ADCY8: variants seen among roughly 807,000 people sequenced by gnomAD.
ADCY8 encodes adenylate cyclase type 8.
ADCY8 carries 51 observed loss-of-function variants against 119.7 expected under a neutral mutation model. That is an observed-to-expected ratio of 0.43 (90% CI 0.34 to 0.54). The LOEUF (loss-of-function observed/expected upper bound fraction) is 0.54. Among genes scored for constraint, ADCY8 ranks in the 20% least tolerant of loss-of-function variants. The pLI, the probability that ADCY8 is intolerant of heterozygous loss-of-function variation, is 0.03. For missense variants in ADCY8, 1,383 were observed against 1,598.8 expected (o/e 0.87, Z 2.30); for synonymous variants, 665 against 651.0 (o/e 1.02, Z -0.33).
chr8:131,033,121 A>T (rs1424930809), intron 1 of ADCY8, among the ~76,000 whole-genome samples: 1 of 152,160 alleles, frequency 6.6e-6, no homozygotes, highest in African/African-American at 2.4e-5. Context: ...TCAATATTGT[A>T]CCTATTTGGT....
At chr8:130,971,248 G>C (rs950179879) in intron 2 of ADCY8, among the ~76,000 whole-genome samples, 1 of 152,106 alleles carries the variant, frequency 6.6e-6, no homozygotes, top group Admixed American at 6.5e-5. Flanking sequence ...ACCTGTATTT[G>C]GTACTCTTGC....
chr8:130,827,040 T>G (rs1039517280), intron 12 of ADCY8, among the ~76,000 whole-genome samples: 1 of 152,190 alleles, frequency 6.6e-6, no homozygotes, highest in Non-Finnish European at 1.5e-5. Flanking sequence ...ATTGTGCACA[T>G]GTACCCCAGA....
At chr8:131,000,824 A>G (rs968604558) in intron 1 of ADCY8, among the ~76,000 whole-genome samples, 2 of 152,000 alleles carry the variant, frequency 1.3e-5, no homozygotes, top group Non-Finnish European at 2.9e-5. Context: ...TGGTAAAGGG[A>G]AAAGAGACAA....
chr8:131,016,377 G>A (rs971478913), intron 1 of ADCY8, among the ~76,000 whole-genome samples: 1 of 152,136 alleles, frequency 6.6e-6, no homozygotes, highest in Non-Finnish European at 1.5e-5. Context: ...GGTAGCACAC[G>A]ACCATAGTCC....
At chr8:130,994,351 A>G (rs549249045) in intron 1 of ADCY8, among the ~76,000 whole-genome samples, 1 of 152,318 alleles carries the variant, frequency 6.6e-6, no homozygotes, top group East Asian at 1.9e-4. Context: ...TTTGTAAAGC[A>G]CCAGTGATTT....
At chr8:130,977,273 G>A (rs775588997) in intron 2 of ADCY8, among the ~76,000 whole-genome samples, 4 of 152,154 alleles carry the variant, frequency 2.6e-5, no homozygotes, top group Non-Finnish European at 4.4e-5. Flanking sequence ...GAAGAACAAT[G>A]ATCAATCCAA....
chr8:130,978,576 TA>T (rs1822142831), intron 2 of ADCY8, among the ~76,000 whole-genome samples: 1 of 152,194 alleles, frequency 6.6e-6, no homozygotes, highest in Admixed American at 6.5e-5. Context: ...ATAGATATTA[TA>T]GGGGGAAAAT....
intron 8 of ADCY8, among the ~76,000 whole-genome samples, chr8:130,876,701 TTG>T (rs1204971900): frequency 6.7e-6 from 1 of 149,238 alleles, no homozygotes; most frequent in Non-Finnish European, 1.5e-5. Flanking sequence ...GTGTGGATAT[TTG>T]TGTGTGTGTA....
At chr8:130,857,649 C>T (rs1385325092) in intron 9 of ADCY8, among the ~76,000 whole-genome samples, 2 of 152,138 alleles carry the variant, frequency 1.3e-5, no homozygotes, top group Non-Finnish European at 2.9e-5. Context: ...GGTGTGCGCC[C>T]CCACCAGGAG....
chr8:131,006,017 T>TTCTC (rs144960309), intron 1 of ADCY8, among the ~76,000 whole-genome samples: 4 of 150,808 alleles, frequency 2.7e-5, no homozygotes, highest in Non-Finnish European at 5.9e-5. Context: ...CCACTCCAAA[T>TTCTC]TCTCTCTCTC....
At chr8:130,811,771 A>G (rs976813945) in intron 14 of ADCY8, among the ~76,000 whole-genome samples, 2 of 152,150 alleles carry the variant, frequency 1.3e-5, no homozygotes, top group Non-Finnish European at 2.9e-5. Flanking sequence ...TGTTAGGAGG[A>G]TGAGATGGCC....
intron 12 of ADCY8, among the ~76,000 whole-genome samples, chr8:130,834,789 GC>G (rs1816935768): frequency 6.6e-6 from 1 of 152,000 alleles, no homozygotes; most frequent in Non-Finnish European, 1.5e-5. Flanking sequence ...TACAGACCTA[GC>G]TATATGTATA....
chr8:130,877,690 T>C (rs573452857), intron 8 of ADCY8, among the ~76,000 whole-genome samples: 1 of 152,338 alleles, frequency 6.6e-6, no homozygotes, highest in Non-Finnish European at 1.5e-5. Flanking sequence ...GAAACAATCC[T>C]TATCTTTTTT....
At chr8:130,839,118 T>C (rs1817069891) in intron 11 of ADCY8, among the ~76,000 whole-genome samples, 1 of 139,570 alleles carries the variant, frequency 7.2e-6, no homozygotes, top group African/African-American at 2.5e-5. Context: ...TAGAGAATCA[T>C]ACAACTACTC....
intron 1 of ADCY8, among the ~76,000 whole-genome samples, chr8:131,002,823 T>C (rs1320671168): frequency 6.6e-6 from 1 of 151,842 alleles, no homozygotes; most frequent in East Asian, 1.9e-4. Context: ...AAAAAAACAG[T>C]CATTTCAAAT....
In ADCY8 at chr8:131,040,201, T is replaced by C; in HGVS notation, c.133A>G (p.Ile45Val). 6.5e-7 allele frequency: 1 copy of C among 1,536,260 alleles called. No individual in the cohort carries two copies. The highest frequency in any genetic ancestry group is 8.7e-7 in the Non-Finnish European group (1 of 1,147,530). Residue 45 changes from isoleucine to valine, a missense_variant, in exon 1 of 18, where the codon ATC becomes GTC. By Grantham distance (29) the Ile-to-Val change is conservative (BLOSUM62 3). Coordinates refer to ENST00000286355, the MANE Select transcript of ADCY8 (RefSeq NM_001115.3). ...RLLWQTAVRH[I>V]TEQRFIHGHR... ...CCGTGAATGAAGCGCTGCTCCGTGA[T>C]GTGTCGCACCGCCGTCTGCCACAGC...
intron 16 of ADCY8, among the ~76,000 whole-genome samples, chr8:130,784,416 T>G (rs1815186811): frequency 6.6e-6 from 1 of 152,232 alleles, no homozygotes; most frequent in Non-Finnish European, 1.5e-5. Flanking sequence ...ATAAGCATAC[T>G]TGCCCTTCCT....
At chr8:130,893,718 TTATG>T (rs1388438750) in intron 7 of ADCY8, among the ~76,000 whole-genome samples, 2 of 141,514 alleles carry the variant, frequency 1.4e-5, no homozygotes, top group East Asian at 2.1e-4. Flanking sequence ...GTGTGCATGT[TTATG>T]TGTGTGTTTG....
At position 130,956,326 on chromosome 8, in the gene ADCY8, G is replaced by A. The variant is rs926620337; in HGVS notation, c.1111-4328C>T. Among the ~76,000 whole-genome samples, 4 of 152,086 alleles carry A rather than the reference G, an allele frequency of 2.6e-5. 1 individual carries two copies. The South Asian group carries it at 8.3e-4, about 32-fold the overall frequency. On this transcript the variant is annotated intron_variant, in intron 2 of 17. Coordinates refer to ENST00000286355, the MANE Select transcript of ADCY8 (RefSeq NM_001115.3). Reference sequence around the variant, plus strand: ...CCTCTATTCTGAGCAGGAGATTATGGGCTATTTATTGTGTTAAACTGAGCA... The same window carrying A: ...CCTCTATTCTGAGCAGGAGATTATGAGCTATTTATTGTGTTAAACTGAGCA...
Sources: gnomAD v4.1 joint callset for allele counts (sites outside exome capture counted in the v4.1 genomes callset) on GRCh38, gnomAD v4.1.1 for gene constraint, MANE v1.5 for transcripts, NCBI Gene and HGNC (gene_info 2026-07-23, HGNC 2026-07-21) for gene names.